Variants in GLB1 observed in about 807,000 individuals in gnomAD.
GLB1 encodes galactosidase beta 1, also known as beta-galactosidase.
Under a neutral mutation model 74.0 loss-of-function variants are expected in GLB1, and 56 were observed. The ratio of observed to expected loss-of-function variants is 0.76; its 90% CI spans 0.61 to 0.94. GLB1 has a LOEUF of 0.94. Ranked by LOEUF, GLB1 falls within the 40% of genes least tolerant of loss-of-function variation. The pLI is 0.00. For synonymous variants in GLB1, 323 were observed against 323.6 expected, an observed-to-expected ratio of 1.00 and a Z score of 0.02; for missense variants, 787 against 845.5, an observed-to-expected ratio of 0.93 and a Z score of 0.86.
At chr3:32,990,810 A>G in the GLB1 span, among the ~76,000 whole-genome samples, 5 of 152,080 alleles carry the variant, frequency 3.3e-5, no homozygotes, top group African/African-American at 9.6e-5. Context: ...CGTCTCTACT[A>G]AAAAATACAA....
chr3:32,988,594 A>G, the GLB1 span, among the ~76,000 whole-genome samples: 2 of 152,354 alleles, frequency 1.3e-5, no homozygotes, highest in Admixed American at 6.5e-5. Flanking sequence ...AAAGAAAACC[A>G]GACAGTTAAT....
At chr3:33,053,740 A>T (rs904881922) in intron 6 of GLB1, among the ~76,000 whole-genome samples, 191 bp from the exon 7 acceptor site, 5 of 152,346 alleles carry the variant, frequency 3.3e-5, no homozygotes, top group South Asian at 4.1e-4. Context: ...GGAAGTGATT[A>T]AGTCATAAGG....
At chr3:32,981,399 CAA>C in the GLB1 span, among the ~76,000 whole-genome samples, 54 of 90,456 alleles carry the variant, frequency 6.0e-4, no homozygotes, top group Middle Eastern at 8.1e-3. Flanking sequence ...GACTCCATCT[CAA>C]AAAAAAAAAA....
chr3:33,053,657 T>C (rs559265258), intron 6 of GLB1, 108 bp from the exon 7 acceptor site: 5 of 1,435,576 alleles, frequency 3.5e-6, no homozygotes, highest in South Asian at 1.2e-5. Context: ...ACGGTCAGAA[T>C]GTTAGTATCC....
At chr3:33,088,915 T>C (rs938291117) in intron 1 of GLB1, among the ~76,000 whole-genome samples, 4 of 152,128 alleles carry the variant, frequency 2.6e-5, no homozygotes, top group Non-Finnish European at 5.9e-5. Context: ...CAGAATAGCA[T>C]GGTAATGACA....
intron 1 of GLB1, chr3:33,096,424 C>T (rs981928858): frequency 1.0e-6 from 1 of 982,742 alleles, no homozygotes; most frequent in Non-Finnish European, 1.2e-6. Flanking sequence ...GACCCCCAAA[C>T]GCCGAAGGAA....
rs1697336931 is a variant in GLB1 at position 33,018,521 on chromosome 3, T to C, written c.1274A>G (p.Asp425Gly). 5 of 1,613,880 alleles carry C rather than the reference T, an allele frequency of 3.1e-6. No individual in the cohort carries two copies. Among genetic ancestry groups the C allele is most frequent in the Non-Finnish European group, 4.2e-6 (5 of 1,180,006 alleles). ...FVLYRTTLPQDCSNPAPLSSP... is the reference protein window; with the variant it reads ...FVLYRTTLPQGCSNPAPLSSP... Reference sequence around the variant, plus strand: ...AGAGAGAGGTGCTGGGTTGCTGCAATCTTGAGGAAGTGTTGTCCGGTACAG... The same window carrying C: ...AGAGAGAGGTGCTGGGTTGCTGCAACCTTGAGGAAGTGTTGTCCGGTACAG... The change falls in exon 13 of 16, where the codon GAT becomes GGT. Residue 425 changes from aspartate to glycine, a missense_variant. Transcript: ENST00000307363.
At position 33,058,162 on chromosome 3, in the gene GLB1, A is replaced by AG; in HGVS notation, c.659dup (p.Asp221Ter). 6.2e-7 allele frequency: 1 copy of AG among 1,614,166 alleles called. No homozygotes were observed. Among genetic ancestry groups the AG allele is most frequent in the South Asian group, 1.1e-5 (1 of 91,080 alleles). ...TCAGGAATGTTTTATGTGCTCCATCAGTGGTAAACAGAACCACATCATCCC... is the reference window on the plus strand; with the variant it reads ...TCAGGAATGTTTTATGTGCTCCATCAGGTGGTAAACAGAACCACATCATCCC... On this transcript the variant is annotated frameshift_variant, in exon 6 of 16. Transcript: ENST00000307363. LOFTEE classifies it high-confidence loss of function.
intron 15 of GLB1, 145 bp from the exon 16 acceptor site, chr3:32,997,489 AG>A: frequency 7.2e-7 from 1 of 1,389,380 alleles, no homozygotes; most frequent in Non-Finnish European, 9.8e-7. Context: ...GGCCCATGCC[AG>A]CCTTGGTTTT....
At chr3:33,070,639 T>C (rs903296057) in intron 2 of GLB1, among the ~76,000 whole-genome samples, 2 of 152,016 alleles carry the variant, frequency 1.3e-5, no homozygotes, top group Non-Finnish European at 1.5e-5. Flanking sequence ...AGTCCAGGAG[T>C]TGAAGACCAC....
the GLB1 span, among the ~76,000 whole-genome samples, chr3:32,969,672 G>A: frequency 6.6e-6 from 1 of 152,308 alleles, no homozygotes; most frequent in East Asian, 1.9e-4. Flanking sequence ...CATTGAAGGA[G>A]GATGGTAAAA....
chr3:33,057,038 T>C (rs1699252341), intron 6 of GLB1, among the ~76,000 whole-genome samples: 1 of 152,188 alleles, frequency 6.6e-6, no homozygotes, highest in South Asian at 2.1e-4. Context: ...ATCCCCAGTG[T>C]TGGAGGTAGG....
chr3:33,090,509 A>G (rs548394890), intron 1 of GLB1: 32 of 985,470 alleles, frequency 3.2e-5, no homozygotes, highest in South Asian at 2.3e-4. Flanking sequence ...TTCAAAAAGC[A>G]TTGCATTTCA....
Position 33,051,615 on chromosome 3 carries a change from A to AAAAAAAAAAAAAAAAAAAAAG in GLB1, c.955+142_955+143insCTTTTTTTTTTTTTTTTTTTT, listed in dbSNP as rs764769471. ...GTGAGACTGTCTACAAAAAAAAAAA[A>AAAAAAAAAAAAAAAAAAAAAG]AAAAGAAAAAGAAAAAAAAAGAAAA... On this transcript the variant is annotated intron_variant, in intron 9 of 15. Coordinates refer to ENST00000307363, the MANE Select transcript of GLB1 (RefSeq NM_000404.4). 6.1e-6 allele frequency: 7 copies of AAAAAAAAAAAAAAAAAAAAAG among 1,149,436 alleles called. No individual in the cohort carries two copies. In the African/African-American group the frequency reaches 8.7e-5, roughly 14 times the overall value. The allele number at this position is 1,149,436 out of a possible 1,614,324, so 71.2% of individuals were successfully genotyped here.
chr3:33,042,369 C>CTTTT (rs1698538333), intron 10 of GLB1, among the ~76,000 whole-genome samples: 1 of 60,196 alleles, frequency 1.7e-5, no homozygotes, highest in Non-Finnish European at 4.3e-5. Context: ...CTCATCTCCT[C>CTTTT]CTTTTTTTTT....
chr3:32,977,404 C>T, the GLB1 span, among the ~76,000 whole-genome samples: 4 of 152,070 alleles, frequency 2.6e-5, no homozygotes, highest in Admixed American at 1.3e-4. Flanking sequence ...TGAGGTTTCT[C>T]ACCATGTCGG....
At chr3:32,990,473 GTC>G in the GLB1 span, among the ~76,000 whole-genome samples, 1 of 152,136 alleles carries the variant, frequency 6.6e-6, no homozygotes, top group Admixed American at 6.5e-5. Context: ...TTGAATGAAT[GTC>G]TATTGGGTAA....
chr3:32,970,083 T>C, the GLB1 span, among the ~76,000 whole-genome samples: 1 of 152,198 alleles, frequency 6.6e-6, no homozygotes, highest in African/African-American at 2.4e-5. Context: ...GAGACATTAT[T>C]CCCAGATTTG....
chr3:33,009,458 G>A (rs1575405580), intron 15 of GLB1, among the ~76,000 whole-genome samples: 1 of 152,178 alleles, frequency 6.6e-6, no homozygotes, highest in East Asian at 1.9e-4. Flanking sequence ...GGAGGCGGAG[G>A]TTGCAGTGAG....
Sources: allele counts gnomAD v4.1 joint callset (sites outside exome capture counted in the v4.1 genomes callset), GRCh38; gene constraint gnomAD v4.1.1; transcripts MANE v1.5; gene names NCBI Gene and HGNC (gene_info 2026-07-23, HGNC 2026-07-21).